Variants in DDR2 observed in about 807,000 individuals in gnomAD.
The protein encoded by DDR2 is discoidin domain-containing receptor 2.
A neutral mutation model predicts 94.9 loss-of-function variants in DDR2; 27 were observed. The ratio of observed to expected loss-of-function variants is 0.28; its 90% CI spans 0.21 to 0.39. The LOEUF (loss-of-function observed/expected upper bound fraction) is 0.39. Among genes scored for constraint, DDR2 ranks in the 10% least tolerant of loss-of-function variants. The probability of loss-of-function intolerance (pLI) is 1.00; values close to 1 mark genes in which losing one functional copy is unlikely to be tolerated. For synonymous variants in DDR2, 382 were observed against 377.2 expected (o/e 1.01, Z -0.15); for missense variants, 783 against 1,076.0 (o/e 0.73, Z 3.81).
At chr1:162,634,280 G>A (rs1656707467) in intron 1 of DDR2, among the ~76,000 whole-genome samples, 2 of 152,170 alleles carry the variant, frequency 1.3e-5, no homozygotes, top group Non-Finnish European at 2.9e-5. Flanking sequence ...AGAAGATTCA[G>A]GATAAGTTCT....
Position 162,766,082 on chromosome 1 carries a change from T to C in DDR2, c.1162+19T>C. On this transcript the variant is annotated intron_variant, in intron 10 of 17. Coordinates refer to ENST00000367921, the MANE Select transcript of DDR2 (RefSeq NM_006182.4). Reference sequence around the variant, plus strand: ...ACCTATGGTATATGTGATTCCTAATTACACAAATTAATTTGAAGGGACTTA... The same window carrying C: ...ACCTATGGTATATGTGATTCCTAATCACACAAATTAATTTGAAGGGACTTA... The C allele has an allele frequency of 1.1e-5, 17 of 1,612,528 alleles. No individual in the cohort carries two copies. Among genetic ancestry groups the C allele is most frequent in the Non-Finnish European group, 1.4e-5 (17 of 1,178,644 alleles).
chr1:162,660,717 C>T (rs575083326), intron 2 of DDR2, among the ~76,000 whole-genome samples: 51 of 152,302 alleles, frequency 3.3e-4, no homozygotes, highest in African/African-American at 7.5e-4. Context: ...GACACTTCTG[C>T]ACAGAACAGA....
intron 1 of DDR2, among the ~76,000 whole-genome samples, chr1:162,638,695 C>G (rs1656961962): frequency 6.6e-6 from 1 of 152,156 alleles, no homozygotes; most frequent in South Asian, 2.1e-4. Flanking sequence ...GCTACTGGCA[C>G]TTGTCCTTCA....
At chr1:162,654,122 A>G (rs1324418058) in intron 1 of DDR2, among the ~76,000 whole-genome samples, 1 of 152,182 alleles carries the variant, frequency 6.6e-6, no homozygotes, top group Non-Finnish European at 1.5e-5. Context: ...TAGCATACTA[A>G]TATTCAACTT....
At chr1:162,763,580 G>A (rs1385756707) in intron 9 of DDR2, among the ~76,000 whole-genome samples, 4 of 151,948 alleles carry the variant, frequency 2.6e-5, no homozygotes, top group Non-Finnish European at 4.4e-5. Context: ...TTTTCCGAAA[G>A]AACAAGGTAT....
chr1:162,756,148 C>A (rs1382942226), intron 7 of DDR2, among the ~76,000 whole-genome samples: 1 of 152,160 alleles, frequency 6.6e-6, no homozygotes, highest in Non-Finnish European at 1.5e-5. Flanking sequence ...ATACTCTGGG[C>A]AAGTCAAGAA....
intron 3 of DDR2, among the ~76,000 whole-genome samples, chr1:162,729,294 ATATATATTTTT>A (rs1210953481): frequency 1.3e-3 from 39 of 30,032 alleles, no homozygotes; most frequent in African/African-American, 2.8e-3. Context: ...ATATATATAT[ATATATATTTTT>A]TTTTTTTTTT....
chr1:162,781,719 CAAG>C lies in DDR2; in HGVS notation c.*1477_*1479del, dbSNP rs1322366236. On this transcript the variant is annotated 3_prime_UTR_variant, in exon 18 of 18. Coordinates refer to ENST00000367921, the MANE Select transcript of DDR2 (RefSeq NM_006182.4). ...GAATTCATGGAAACAGAGCCACTGT[CAAG>C]AAGGAATCTGCTCAGAGCAGATTCT... 1.3e-5 allele frequency: 2 copies of C among 152,118 alleles called. No individual in the cohort carries two copies. The highest frequency in any genetic ancestry group is 4.8e-5 in the African/African-American group (2 of 41,414). The allele number at this position is 152,118 out of a possible 1,614,324, so 9.4% of individuals were successfully genotyped here. A position where few individuals can be genotyped will look rare whatever the true frequency, so the allele number is the denominator to read the frequency against.
chr1:162,670,050 G>A (rs1344068641), intron 2 of DDR2, among the ~76,000 whole-genome samples: 2 of 152,144 alleles, frequency 1.3e-5, no homozygotes, highest in Non-Finnish European at 2.9e-5. Context: ...AGGTTAAAAA[G>A]GTTTAAGTTC....
chr1:162,724,937 G>C (rs1040021174), intron 3 of DDR2, among the ~76,000 whole-genome samples: 2 of 152,142 alleles, frequency 1.3e-5, no homozygotes, highest in Non-Finnish European at 2.9e-5. Context: ...TTTAAGTCTA[G>C]GCTGACGCCT....
At chr1:162,633,182 A>G (rs1190514975) in intron 1 of DDR2, among the ~76,000 whole-genome samples, 2 of 152,078 alleles carry the variant, frequency 1.3e-5, no homozygotes, top group Non-Finnish European at 2.9e-5. Context: ...GGGTGCATGG[A>G]AGATTTTTCA....
intron 7 of DDR2, 114 bp from the exon 8 acceptor site, chr1:162,759,682 A>G (rs1024845040): frequency 1.7e-6 from 2 of 1,207,298 alleles, no homozygotes; most frequent in Non-Finnish European, 2.4e-6. Flanking sequence ...CAATTCCAAG[A>G]TAATAAGCTC....
In DDR2 at chr1:162,652,912, C is replaced by T. The variant is rs113861065; in HGVS notation, c.-191-2299C>T. ...TTGAACTCAGGAGTTAGAGATCAGCCTGGGCTACAATGGCAAAACCTTGTC... is the reference window on the plus strand; with the variant it reads ...TTGAACTCAGGAGTTAGAGATCAGCTTGGGCTACAATGGCAAAACCTTGTC... On this transcript the variant is annotated intron_variant, in intron 1 of 17. Coordinates refer to ENST00000367921, the MANE Select transcript of DDR2 (RefSeq NM_006182.4). Among the ~76,000 whole-genome samples the T allele has an allele frequency of 3.0e-3, 458 of 151,900 alleles. 1 individual carries two copies. Among genetic ancestry groups the T allele is most frequent in the Non-Finnish European group, 5.6e-3 (379 of 67,940 alleles).
intron 3 of DDR2, among the ~76,000 whole-genome samples, chr1:162,746,189 T>C (rs1662853673): frequency 6.6e-6 from 1 of 152,268 alleles, no homozygotes; most frequent in South Asian, 2.1e-4. Flanking sequence ...ACCCAGGAAG[T>C]GCAAGTGGTT....
At chr1:162,653,285 AT>A (rs946999981) in intron 1 of DDR2, among the ~76,000 whole-genome samples, 2 of 151,094 alleles carry the variant, frequency 1.3e-5, no homozygotes, top group African/African-American at 4.9e-5. Flanking sequence ...CTTTCAGAAA[AT>A]TGTTTGGGGG....
intron 2 of DDR2, among the ~76,000 whole-genome samples, chr1:162,688,716 G>A (rs1659810178): frequency 6.6e-6 from 1 of 152,336 alleles, no homozygotes; most frequent in South Asian, 2.1e-4. Context: ...TTCAGGAGAC[G>A]TGATAATCCA....
At chr1:162,669,585 T>C (rs1658735823) in intron 2 of DDR2, among the ~76,000 whole-genome samples, 1 of 152,256 alleles carries the variant, frequency 6.6e-6, no homozygotes, top group Non-Finnish European at 1.5e-5. Flanking sequence ...GTTATTTTAA[T>C]TATTGTATCA....
At chr1:162,655,766 A>G (rs1022705828) in intron 2 of DDR2, among the ~76,000 whole-genome samples, 1 of 152,084 alleles carries the variant, frequency 6.6e-6, no homozygotes, top group Non-Finnish European at 1.5e-5. Flanking sequence ...TAATATTACA[A>G]TTTGTTTTTA....
intron 2 of DDR2, among the ~76,000 whole-genome samples, chr1:162,694,124 A>C (rs1660078280): frequency 6.6e-6 from 1 of 151,960 alleles, no homozygotes; most frequent in African/African-American, 2.4e-5. Context: ...CATCCCCTCC[A>C]TTGTTGCCTA....
Sources: gnomAD v4.1 joint callset for allele counts (sites outside exome capture counted in the v4.1 genomes callset) on GRCh38, gnomAD v4.1.1 for gene constraint, MANE v1.5 for transcripts, NCBI Gene and HGNC (gene_info 2026-07-23, HGNC 2026-07-21) for gene names.